FGD4: variants seen among roughly 807,000 people sequenced by gnomAD.
FGD4 encodes FYVE, RhoGEF and PH domain-containing protein 4.
FGD4 carries 42 observed loss-of-function variants against 102.0 expected under a neutral mutation model. The observed-to-expected ratio is 0.41, with a 90% CI of 0.32 to 0.53. The LOEUF (loss-of-function observed/expected upper bound fraction) is 0.53. Ranked by LOEUF, FGD4 falls within the 20% of genes least tolerant of loss-of-function variation. FGD4 has a pLI of 0.21. For missense variants in FGD4, 902 were observed against 1,078.2 expected (o/e 0.84, Z 2.29); for synonymous variants, 380 against 375.7 (o/e 1.01, Z -0.13).
At chr12:32,636,533 C>CAA (rs1259732254) in intron 15 of FGD4, among the ~76,000 whole-genome samples, 5 of 121,804 alleles carry the variant, frequency 4.1e-5, no homozygotes, top group African/African-American at 6.1e-5. Context: ...AACTCCGTCT[C>CAA]AAAAAAAAAA....
chr12:32,573,258 G>A (rs531074620), intron 2 of FGD4, among the ~76,000 whole-genome samples: 2 of 152,238 alleles, frequency 1.3e-5, no homozygotes, highest in South Asian at 2.1e-4. Flanking sequence ...ACCAAACCCG[G>A]CTAATTTTTT....
At chr12:32,615,548 A>G (rs896354375) in intron 10 of FGD4, among the ~76,000 whole-genome samples, 5 of 152,164 alleles carry the variant, frequency 3.3e-5, no homozygotes, top group Non-Finnish European at 7.4e-5. Context: ...TAATATAGAT[A>G]GCTAAATAGA....
chr12:32,636,483 A>G lies in FGD4; in HGVS notation c.2314-2172A>G, dbSNP rs541274997. 3.9e-5 allele frequency among the ~76,000 whole-genome samples: 6 copies of G among 152,202 alleles called. No individual in the cohort carries two copies. The East Asian group carries it at 7.7e-4, about 20-fold the overall frequency. On this transcript the variant is annotated intron_variant, in intron 15 of 16. Transcript: ENST00000534526. ...GGGCGGCGGAGGTGTCAGTGAGCCAAGATTGAACCATTGCACTCCAGCCTG... is the reference window on the plus strand; with the variant it reads ...GGGCGGCGGAGGTGTCAGTGAGCCAGGATTGAACCATTGCACTCCAGCCTG...
intron 1 of FGD4, among the ~76,000 whole-genome samples, chr12:32,507,793 T>C (rs530554507): frequency 1.3e-5 from 2 of 152,332 alleles, no homozygotes; most frequent in South Asian, 4.1e-4. Context: ...TGTGGGGTTA[T>C]CCTGGGTATT....
intron 1 of FGD4, among the ~76,000 whole-genome samples, chr12:32,482,731 A>T (rs1470613740): frequency 6.6e-6 from 1 of 152,244 alleles, no homozygotes; most frequent in Non-Finnish European, 1.5e-5. Flanking sequence ...TGGGGGGAGA[A>T]TACAAGAAAA....
chr12:32,611,220 A>G lies in FGD4; in HGVS notation c.1686A>G (p.Lys562=). 6.2e-7 allele frequency: 1 copy of G among 1,614,222 alleles called. No individual in the cohort carries two copies. Among genetic ancestry groups the G allele is most frequent in the Non-Finnish European group, 8.5e-7 (1 of 1,180,028 alleles). The change falls in exon 10 of 17, where the codon AAA becomes AAG. Residue 562 remains lysine (K), a synonymous_variant. Transcript: ENST00000534526. ...TAAACCCTTCAAATGAACTAATAAA[A>G]GAAGGACAGATCCTCAAACTAGCTG... The part of the protein sequence containing the change: ...DIVNPSNELI[K]EGQILKLAAR...
chr12:32,449,675 A>T lies in FGD4; in HGVS notation c.166+49716A>T, dbSNP rs112640959. ...TGTCTGCCTGGCTTCTCCAGTGTGA[A>T]ATTTCTTTTCTTCTTTGTAATATTT... On this transcript the variant is annotated intron_variant, in intron 1 of 16. Transcript: ENST00000534526. Among the ~76,000 whole-genome samples the T allele has an allele frequency of 7.9e-5, 12 of 152,136 alleles. 1 individual carries two copies. Among genetic ancestry groups the T allele is most frequent in the African/African-American group, 2.9e-4 (12 of 41,496 alleles).
chr12:32,412,899 A>ATTTTTTT (rs869107334), intron 1 of FGD4, among the ~76,000 whole-genome samples: 3,002 of 86,864 alleles, frequency 0.035, 355 homozygotes, highest in African/African-American at 0.11. Flanking sequence ...TTTTCTAGAA[A>ATTTTTTT]TTTTTTTTTT....
chr12:32,477,509 G>C (rs1483056295), intron 1 of FGD4: 2 of 152,368 alleles, frequency 1.3e-5, no homozygotes, highest in Admixed American at 1.3e-4. Flanking sequence ...TTCACAGATG[G>C]ACAGAAGTCA....
In FGD4 at chr12:32,529,992, T is replaced by A. The variant is rs566322078; in HGVS notation, c.167-34145T>A. Among the ~76,000 whole-genome samples, 6 of 152,272 alleles carry A rather than the reference T, an allele frequency of 3.9e-5. No individual in the cohort carries two copies. In the South Asian group the frequency reaches 1.2e-3, roughly 32 times the overall value. The stretch of plus-strand genomic sequence containing the variant: ...AACAACTTAGGCTTCCTTTTATTTT[T>A]AAACATTGTAGATTTATAGTTTTTA... On this transcript the variant is annotated intron_variant, in intron 1 of 16. Coordinates refer to ENST00000534526, the MANE Select transcript of FGD4 (RefSeq NM_001370298.3).
intron 1 of FGD4, among the ~76,000 whole-genome samples, chr12:32,453,516 G>T (rs911900953): frequency 6.6e-6 from 1 of 151,892 alleles, no homozygotes; most frequent in Non-Finnish European, 1.5e-5. Flanking sequence ...TTACAGGTGT[G>T]AGCCACTGCA....
chr12:32,425,700 A>G (rs190430515), intron 1 of FGD4, among the ~76,000 whole-genome samples: 4 of 152,348 alleles, frequency 2.6e-5, no homozygotes, highest in Non-Finnish European at 5.9e-5. Context: ...CTTCCTATCC[A>G]TGAGAATGGA....
At chr12:32,638,288 A>G (rs1950967196) in intron 15 of FGD4, among the ~76,000 whole-genome samples, 1 of 152,176 alleles carries the variant, frequency 6.6e-6, no homozygotes, top group Non-Finnish European at 1.5e-5. Context: ...CTGGGTTCAA[A>G]TCCCAGCATG....
chr12:32,473,473 C>T (rs1018698567), intron 1 of FGD4, among the ~76,000 whole-genome samples: 1 of 152,148 alleles, frequency 6.6e-6, no homozygotes, highest in East Asian at 1.9e-4. Context: ...CAAAGGTCTG[C>T]AGCTTCACTC....
chr12:32,593,459 C>T (rs1421504868), intron 4 of FGD4, among the ~76,000 whole-genome samples: 1 of 152,168 alleles, frequency 6.6e-6, no homozygotes, highest in Non-Finnish European at 1.5e-5. Flanking sequence ...GGTTAGGGAC[C>T]TAACATGTAG....
chr12:32,518,482 AAAC>A (rs536023578), intron 1 of FGD4, among the ~76,000 whole-genome samples: 90 of 152,284 alleles, frequency 5.9e-4, no homozygotes, highest in Non-Finnish European at 5.9e-4. Flanking sequence ...CCATCTCAAA[AAAC>A]AACAACAAAA....
chr12:32,588,966 A>T (rs1947262376), intron 4 of FGD4, among the ~76,000 whole-genome samples: 1 of 152,230 alleles, frequency 6.6e-6, no homozygotes, highest in Admixed American at 6.5e-5. Flanking sequence ...GTGGTCAGGA[A>T]CACAGACTCA....
intron 1 of FGD4, among the ~76,000 whole-genome samples, chr12:32,454,602 G>A (rs964599878): frequency 2.6e-5 from 4 of 152,128 alleles, no homozygotes; most frequent in Non-Finnish European, 5.9e-5. Context: ...TACTGTCAAT[G>A]TGATAGGTCC....
rs74961280 is a variant in FGD4 at position 32,638,344 on chromosome 12, A to G, written c.2314-311A>G. Among the ~76,000 whole-genome samples, 1,667 of 152,344 alleles carry G rather than the reference A, an allele frequency of 0.011. 13 individuals carry two copies. The highest frequency in any genetic ancestry group is 0.053 in the South Asian group (254 of 4,816). ...AGCTATTTAAACTCTGAGCCTCAGAAAAAATGAAAATACTACCTTCTCAGT... is the reference window on the plus strand; with the variant it reads ...AGCTATTTAAACTCTGAGCCTCAGAGAAAATGAAAATACTACCTTCTCAGT... On this transcript the variant is annotated intron_variant, in intron 15 of 16. Coordinates refer to ENST00000534526, the MANE Select transcript of FGD4 (RefSeq NM_001370298.3).
Sources: gnomAD v4.1 joint callset for allele counts (sites outside exome capture counted in the v4.1 genomes callset) on GRCh38, gnomAD v4.1.1 for gene constraint, MANE v1.5 for transcripts, NCBI Gene and HGNC (gene_info 2026-07-23, HGNC 2026-07-21) for gene names.